The following LAP3 variants were observed in gnomAD, a reference collection of about 807,000 sequenced individuals.
The protein encoded by LAP3 is leucine aminopeptidase 3.
Under a neutral mutation model 58.8 loss-of-function variants are expected in LAP3, and 46 were observed. That is an observed-to-expected ratio of 0.78 (90% CI 0.62 to 1.00). The LOEUF is 1.00. Ranked by LOEUF, LAP3 falls within the 50% of genes least tolerant of loss-of-function variation. The probability of loss-of-function intolerance (pLI) is 0.00; values close to 1 mark genes in which losing one functional copy is unlikely to be tolerated. For synonymous variants in LAP3, 257 were observed against 237.7 expected (o/e 1.08, Z -0.75); for missense variants, 615 against 659.1 (o/e 0.93, Z 0.73).
intron 7 of LAP3, among the ~76,000 whole-genome samples, chr4:17,590,215 C>G (rs972160888): frequency 7.2e-5 from 11 of 152,210 alleles, no homozygotes; most frequent in Non-Finnish European, 1.3e-4. Context: ...TGAAGGAACC[C>G]TGATTCCTGG....
chr4:17,589,067 T>G lies in LAP3; in HGVS notation c.863+90T>G, dbSNP rs1298783797. 3 of 1,384,830 alleles carry G rather than the reference T, an allele frequency of 2.2e-6. No individual in the cohort carries two copies. The Admixed American group carries it at 6.6e-5, about 31-fold the overall frequency. 85.8% of individuals were successfully genotyped at this position (1,384,830 alleles called of 1,614,324 possible). On this transcript the variant is annotated intron_variant, in intron 7 of 12. Coordinates refer to ENST00000226299, the MANE Select transcript of LAP3 (RefSeq NM_015907.3). ...GTTATAGGGTTTTTTGGTTTGATTT[T>G]TTTTTTTTTTTGAGGCAGAGTCTCA...
At position 17,595,317 on chromosome 4, in the gene LAP3, C is replaced by T. The variant is rs186653524; in HGVS notation, c.864-93C>T. The stretch of plus-strand genomic sequence containing the variant: ...CCTCCCAAAGTGCTGGGATTACAGG[C>T]GTGAGCCACCGTGCCCATCTGTACT... On this transcript the variant is annotated intron_variant, in intron 7 of 12. Coordinates refer to ENST00000226299, the MANE Select transcript of LAP3 (RefSeq NM_015907.3). 2,477 of 1,428,468 alleles carry T rather than the reference C, an allele frequency of 1.7e-3. 33 individuals are homozygous for T. In the African/African-American group the frequency reaches 0.032, roughly 18 times the overall value. 88.5% of individuals were successfully genotyped at this position (1,428,468 alleles called of 1,614,324 possible). A position where few individuals can be genotyped will look rare whatever the true frequency, so the allele number is the denominator to read the frequency against.
At position 17,607,767 on chromosome 4, in the gene LAP3, G is replaced by A; in HGVS notation, c.*178G>A. 27 of 502,936 alleles carry A rather than the reference G, an allele frequency of 5.4e-5. No homozygotes were observed. The highest frequency in any genetic ancestry group is 1.1e-4 in the Admixed American group (3 of 26,568). The allele number at this position is 502,936 out of a possible 1,614,324, so 31.2% of individuals were successfully genotyped here. On this transcript the variant is annotated 3_prime_UTR_variant, in exon 13 of 13. Transcript: ENST00000226299. Reference sequence around the variant, plus strand: ...TTCATTTCACACAAAGATTTATAAAGGTAAAGTTAATATCTTACTTGATAA... The same window carrying A: ...TTCATTTCACACAAAGATTTATAAAAGTAAAGTTAATATCTTACTTGATAA...
At chr4:17,592,213 G>C (rs1382447037) in intron 7 of LAP3, among the ~76,000 whole-genome samples, 2 of 152,166 alleles carry the variant, frequency 1.3e-5, no homozygotes, top group Non-Finnish European at 2.9e-5. Flanking sequence ...TCATCCCCCA[G>C]AAGTTCCCTT....
intron 6 of LAP3, chr4:17,587,735 C>T (rs1713564746): frequency 6.6e-6 from 1 of 152,148 alleles, no homozygotes; most frequent in African/African-American, 2.4e-5. Flanking sequence ...GGACTGTTTC[C>T]ATTCTGTTAC....
chr4:17,588,350 G>C (rs1317331292), intron 6 of LAP3, among the ~76,000 whole-genome samples: 2 of 151,560 alleles, frequency 1.3e-5, no homozygotes, highest in Non-Finnish European at 2.9e-5. Flanking sequence ...TCACTTTTTT[G>C]CCCAGGCTGG....
intron 10 of LAP3, among the ~76,000 whole-genome samples, chr4:17,601,950 A>T (rs114181652): frequency 0.015 from 2,338 of 152,296 alleles, 68 homozygotes; most frequent in African/African-American, 0.053. Context: ...CGGAGGGCTG[A>T]CTAGTTAGTA....
At position 17,581,957 on chromosome 4, in the gene LAP3, GA is replaced by G. The variant is rs531163664; in HGVS notation, c.273+144del. ...TATTAAGCAGAACATTTAAGATTAA[GA>G]GGCGATTTGCTGTCAAAAACTACTG... On this transcript the variant is annotated intron_variant, in intron 3 of 12. Transcript: ENST00000226299. 2,326 of 726,206 alleles carry G rather than the reference GA, an allele frequency of 3.2e-3. 5 individuals are homozygous for G. The highest frequency in any genetic ancestry group is 4.8e-3 in the South Asian group (261 of 53,906). The allele number at this position is 726,206 out of a possible 1,614,324, so 45.0% of individuals were successfully genotyped here.
chr4:17,584,898 A>G, intron 5 of LAP3, 74 bp from the exon 6 acceptor site: 1 of 1,413,162 alleles, frequency 7.1e-7, no homozygotes, highest in Non-Finnish European at 9.8e-7. Flanking sequence ...GTAAGGTAAG[A>G]GTGTCTCTTA....
intron 1 of LAP3, 58 bp downstream of exon 1, chr4:17,577,625 G>C: frequency 2.3e-6 from 3 of 1,329,118 alleles, no homozygotes; most frequent in Non-Finnish European, 3.1e-6. Flanking sequence ...TGGGCTACTG[G>C]GGCTGCGGGG....
chr4:17,593,874 A>G lies in LAP3; in HGVS notation c.864-1536A>G, dbSNP rs142461188. Among the ~76,000 whole-genome samples, 641 of 152,056 alleles carry G rather than the reference A, an allele frequency of 4.2e-3. 3 individuals are homozygous for G. The highest frequency in any genetic ancestry group is 0.01 in the Middle Eastern group (3 of 294). The stretch of plus-strand genomic sequence containing the variant: ...GTGATTTGCCTGCCTCAGCCTCCCT[A>G]AGTGCTGGGATTACAGGCGTGAGCC... On this transcript the variant is annotated intron_variant, in intron 7 of 12. Transcript: ENST00000226299.
rs767031292 is a variant in LAP3, at chr4:17,597,030, A to G, written c.989-16A>G. ...CCCAGTATATACTGTGTGCCTTCAT[A>G]TATTATTTCCAATAGGTCTGGCCCC... On this transcript the variant is annotated splice_polypyrimidine_tract_variant and intron_variant, in intron 8 of 12. Coordinates refer to ENST00000226299, the MANE Select transcript of LAP3 (RefSeq NM_015907.3). The G allele has an allele frequency of 6.8e-6, 11 of 1,613,344 alleles. No individual in the cohort carries two copies. The South Asian group carries it at 1.1e-4, about 16-fold the overall frequency.
intron 9 of LAP3, among the ~76,000 whole-genome samples, chr4:17,598,024 A>G (rs536119981): frequency 6.6e-6 from 1 of 152,268 alleles, no homozygotes; most frequent in African/African-American, 2.4e-5. Context: ...CTTTAACCTC[A>G]TTTTTGGAAA....
chr4:17,589,146 T>A (rs1670317899), intron 7 of LAP3, among the ~76,000 whole-genome samples, 169 bp downstream of exon 7: 1 of 151,862 alleles, frequency 6.6e-6, no homozygotes, highest in Non-Finnish European at 1.5e-5. Context: ...CTGCAGCCTC[T>A]GCCTCCCAGG....
intron 2 of LAP3, among the ~76,000 whole-genome samples, chr4:17,580,954 G>T (rs1160272511): frequency 2.6e-5 from 4 of 152,216 alleles, no homozygotes; most frequent in African/African-American, 4.8e-5. Flanking sequence ...AAGAGAATTT[G>T]TATCTCCTCT....
At chr4:17,585,704 A>AC (rs1204160772) in intron 6 of LAP3, 1 of 152,362 alleles carries the variant, frequency 6.6e-6, no homozygotes, top group Non-Finnish European at 1.5e-5. Context: ...TACAGCCATG[A>AC]CCCCGCCATG....
Position 17,577,527 on chromosome 4 carries a change from G to A in LAP3, c.62G>A (p.Arg21His), listed in dbSNP as rs769295580. The change falls in exon 1 of 13, where the codon CGT (arginine) becomes CAT (histidine). Residue 21 changes from arginine to histidine, a missense_variant. By Grantham distance (29) the Arg-to-His change is conservative (BLOSUM62 0). Transcript: ENST00000226299. The part of the protein sequence containing the change: ...RVVVRRLAVR[R>H]FGSRSLSTAD... ...GTCGTCCGACGTCTGGCCGTGAGAC[G>A]TTTCGGGAGCCGGAGTCTCTCCACC... The A allele has an allele frequency of 1.3e-6, 2 of 1,581,776 alleles. No homozygotes were observed. Among genetic ancestry groups the A allele is most frequent in the Non-Finnish European group, 8.6e-7 (1 of 1,165,486 alleles).
In LAP3 at chr4:17,588,701, G is replaced by T. The variant is rs1056332020; in HGVS notation, c.705-118G>T. The T allele has an allele frequency of 1.0e-5, 9 of 903,884 alleles. No individual in the cohort carries two copies. The Admixed American group carries it at 1.7e-4, about 17-fold the overall frequency. The allele number at this position is 903,884 out of a possible 1,614,324, so 56.0% of individuals were successfully genotyped here. ...GGGACCTGATAATTGAAACCTTAAT[G>T]TGCGTATACTTTAAGAGTTTGTATA... On this transcript the variant is annotated intron_variant, in intron 6 of 12. Coordinates refer to ENST00000226299, the MANE Select transcript of LAP3 (RefSeq NM_015907.3).
intron 10 of LAP3, 117 bp downstream of exon 10, chr4:17,598,675 C>G (rs1713894488): frequency 1.5e-6 from 1 of 676,132 alleles, no homozygotes; most frequent in Non-Finnish European, 2.7e-6. Context: ...CATTGGCATT[C>G]AAAGATCTTT....
Sources: allele counts gnomAD v4.1 joint callset (sites outside exome capture counted in the v4.1 genomes callset), GRCh38; gene constraint gnomAD v4.1.1; transcripts MANE v1.5; gene names NCBI Gene and HGNC (gene_info 2026-07-23, HGNC 2026-07-21).